Variants in SUMO2 observed in about 807,000 individuals in gnomAD.
SUMO2 encodes the protein small ubiquitin like modifier 2.
A neutral mutation model predicts 16.0 loss-of-function variants in SUMO2; 1 was observed. That is an observed-to-expected ratio of 0.06 (90% confidence interval 0.02 to 0.30). The LOEUF (loss-of-function observed/expected upper bound fraction) is 0.30. SUMO2 is among the 10% of genes least tolerant of loss of function. SUMO2 has a pLI of 1.00. For missense variants in SUMO2, 16 were observed against 117.5 expected (o/e 0.14, Z 3.99); for synonymous variants, 36 against 40.6 (o/e 0.89, Z 0.43).
At chr17:75,175,328 C>CT (rs1002127444) in intron 2 of SUMO2, among the ~76,000 whole-genome samples, 132 of 147,186 alleles carry the variant, frequency 9.0e-4, no homozygotes, top group Middle Eastern at 3.5e-3. Flanking sequence ...TTTTCCTTTT[C>CT]TTTTTTTTTT....
At chr17:75,174,966 A>G (rs1598224661) in intron 2 of SUMO2, 143 bp from the exon 3 acceptor site, 2 of 729,064 alleles carry the variant, frequency 2.7e-6, no homozygotes, top group South Asian at 3.9e-5. Context: ...CCCTATAGGT[A>G]AAAAGATTTG....
chr17:75,179,827 T>G (rs1054496798), intron 2 of SUMO2, among the ~76,000 whole-genome samples: 7 of 151,870 alleles, frequency 4.6e-5, no homozygotes, highest in African/African-American at 1.7e-4. Context: ...CCCAGCTAAT[T>G]TTTTTGGATT....
At chr17:75,176,967 G>A (rs967876974) in intron 2 of SUMO2, among the ~76,000 whole-genome samples, 2 of 151,928 alleles carry the variant, frequency 1.3e-5, no homozygotes, top group African/African-American at 2.4e-5. Context: ...AAGATCACCT[G>A]AGGTCAGGAG....
intron 1 of SUMO2, 174 bp downstream of exon 1, chr17:75,182,640 G>C: frequency 2.4e-6 from 1 of 414,728 alleles, no homozygotes; most frequent in Non-Finnish European, 3.8e-6. Context: ...CGGCGCGGGA[G>C]GGAGGAAGAG....
rs2074696164 is a variant in SUMO2, at chr17:75,166,746, G to C, written c.*1593C>G. 1 of 152,014 alleles carries C rather than the reference G, an allele frequency of 6.6e-6. No homozygotes were observed. The highest frequency in any genetic ancestry group is 2.4e-5 in the African/African-American group (1 of 41,308). 9.4% of individuals were successfully genotyped at this position (152,014 alleles called of 1,614,324 possible). A position where few individuals can be genotyped will look rare whatever the true frequency, so the allele number is the denominator to read the frequency against. Reference sequence around the variant, plus strand: ...TGCAGTGAGCCAAGATCACACCATTGCACCACTCCAGACTAGGCAACAGAG... The same window carrying C: ...TGCAGTGAGCCAAGATCACACCATTCCACCACTCCAGACTAGGCAACAGAG... On this transcript the variant is annotated 3_prime_UTR_variant, in exon 4 of 4. Transcript: ENST00000420826.
chr17:75,166,777 AC>A lies in SUMO2; in HGVS notation c.*1561del, dbSNP rs1337107043. 6.6e-6 allele frequency: 1 copy of A among 151,836 alleles called. No individual in the cohort carries two copies. The highest frequency in any genetic ancestry group is 1.5e-5 in the Non-Finnish European group (1 of 68,090). The allele number at this position is 151,836 out of a possible 1,614,324, so 9.4% of individuals were successfully genotyped here. A position where few individuals can be genotyped will look rare whatever the true frequency, so the allele number is the denominator to read the frequency against. On this transcript the variant is annotated 3_prime_UTR_variant, in exon 4 of 4. Transcript: ENST00000420826. ...CTCCAGACTAGGCAACAGAGGCATAACCTCTTTCAAAAAGACCTAAGACGGG... is the reference window on the plus strand; with the variant it reads ...CTCCAGACTAGGCAACAGAGGCATAACTCTTTCAAAAAGACCTAAGACGGG...
Position 75,167,434 on chromosome 17 carries a change from C to T in SUMO2, c.*905G>A, listed in dbSNP as rs1434258219. ...AACTTTTTCCTTGCCACATGTGCTA[C>T]CCTATACCCTATGCTCCGTGCCTCA... On this transcript the variant is annotated 3_prime_UTR_variant, in exon 4 of 4. Transcript: ENST00000420826. 1 of 152,114 alleles carries T rather than the reference C, an allele frequency of 6.6e-6. No homozygotes were observed. Among genetic ancestry groups the T allele is most frequent in the Non-Finnish European group, 1.5e-5 (1 of 68,026 alleles). 9.4% of individuals were successfully genotyped at this position (152,114 alleles called of 1,614,324 possible). A position where few individuals can be genotyped will look rare whatever the true frequency, so the allele number is the denominator to read the frequency against.
rs927455537 is a variant in SUMO2 at position 75,168,281 on chromosome 17, G to C, written c.*58C>G. The C allele has an allele frequency of 1.9e-4, 252 of 1,323,116 alleles. 1 individual carries two copies. In the East Asian group the frequency reaches 6.3e-3, roughly 33 times the overall value. The allele number at this position is 1,323,116 out of a possible 1,614,324, so 82.0% of individuals were successfully genotyped here. A position where few individuals can be genotyped will look rare whatever the true frequency, so the allele number is the denominator to read the frequency against. ...AACCAAATTGCAGTTTTCTAATTGA[G>C]AATGTAATCTTGGTCTTTAAAGAAC... On this transcript the variant is annotated 3_prime_UTR_variant, in exon 4 of 4. Coordinates refer to ENST00000420826, the MANE Select transcript of SUMO2 (RefSeq NM_006937.4).
chr17:75,170,638 C>G (rs2074729976), intron 3 of SUMO2, among the ~76,000 whole-genome samples: 1 of 151,772 alleles, frequency 6.6e-6, no homozygotes, highest in Admixed American at 6.6e-5. Flanking sequence ...CTCACAAGGT[C>G]AGTCATTCGA....
In SUMO2 at chr17:75,182,921, G is replaced by T. The variant is rs1479925997; in HGVS notation, c.-87C>A. The T allele has an allele frequency of 1.1e-5, 13 of 1,159,966 alleles. No homozygotes were observed. The highest frequency in any genetic ancestry group is 6.4e-5 in the East Asian group (2 of 31,200). 71.9% of individuals were successfully genotyped at this position (1,159,966 alleles called of 1,614,324 possible). Reference sequence around the variant, plus strand: ...CGAGCACACAAGCAGCACCAGGAGCGGCAGAAGAAGGAGGCGGCAGCGGTG... The same window carrying T: ...CGAGCACACAAGCAGCACCAGGAGCTGCAGAAGAAGGAGGCGGCAGCGGTG... On this transcript the variant is annotated 5_prime_UTR_variant, in exon 1 of 4. Transcript: ENST00000420826.
rs1412776456 is a variant in SUMO2, at chr17:75,167,225, A to C, written c.*1114T>G. On this transcript the variant is annotated 3_prime_UTR_variant, in exon 4 of 4. Coordinates refer to ENST00000420826, the MANE Select transcript of SUMO2 (RefSeq NM_006937.4). ...GACCCCCCAGCTACTCAGGAGGCTG[A>C]GGTTGCAGTGAGCTGAAATTGCACC... The C allele has an allele frequency of 6.6e-6, 1 of 151,514 alleles. No individual in the cohort carries two copies. The highest frequency in any genetic ancestry group is 1.5e-5 in the Non-Finnish European group (1 of 67,972). 9.4% of individuals were successfully genotyped at this position (151,514 alleles called of 1,614,324 possible).
intron 2 of SUMO2, among the ~76,000 whole-genome samples, chr17:75,176,723 T>C (rs2074785183): frequency 6.6e-6 from 1 of 152,112 alleles, no homozygotes; most frequent in South Asian, 2.1e-4. Context: ...CCTTTAATAC[T>C]TACCCAAATC....
intron 3 of SUMO2, among the ~76,000 whole-genome samples, chr17:75,172,326 T>TTC (rs34017557): frequency 0.037 from 787 of 21,476 alleles, 43 homozygotes; most frequent in African/African-American, 0.065. Context: ...GTACCCAGAC[T>TTC]TTTTTTTTTT....
intron 3 of SUMO2, among the ~76,000 whole-genome samples, chr17:75,174,321 G>A (rs988151739): frequency 3.3e-5 from 5 of 152,156 alleles, no homozygotes; most frequent in African/African-American, 9.7e-5. Context: ...AGCATGGCAG[G>A]CGAGGGCTGC....
chr17:75,166,177 A>T lies in SUMO2; in HGVS notation c.*2162T>A, dbSNP rs1346455968. On this transcript the variant is annotated 3_prime_UTR_variant, in exon 4 of 4. Coordinates refer to ENST00000420826, the MANE Select transcript of SUMO2 (RefSeq NM_006937.4). ...CATGGTGAGACCCCACCTCTAATTT[A>T]AAAATAATAAAAATTTGGCCGGGCA... is the stretch of plus-strand genomic sequence containing the variant. 2.0e-5 allele frequency: 3 copies of T among 151,986 alleles called. No individual in the cohort carries two copies. Among genetic ancestry groups the T allele is most frequent in the Admixed American group, 2.0e-4 (3 of 15,234 alleles). 9.4% of individuals were successfully genotyped at this position (151,986 alleles called of 1,614,324 possible).
At chr17:75,173,431 T>C (rs191349751) in intron 3 of SUMO2, among the ~76,000 whole-genome samples, 5 of 151,910 alleles carry the variant, frequency 3.3e-5, no homozygotes, top group African/African-American at 7.2e-5. Flanking sequence ...CCTAAAGTGA[T>C]AGGACTACAG....
intron 2 of SUMO2, among the ~76,000 whole-genome samples, chr17:75,180,016 T>G (rs1230072685): frequency 6.6e-6 from 1 of 152,146 alleles, no homozygotes; most frequent in Non-Finnish European, 1.5e-5. Flanking sequence ...TACATAGGTT[T>G]AAGCCTTATT....
chr17:75,176,508 C>T (rs1380441770), intron 2 of SUMO2, among the ~76,000 whole-genome samples: 4 of 151,802 alleles, frequency 2.6e-5, no homozygotes, highest in South Asian at 4.2e-4. Flanking sequence ...CCCAGCTATT[C>T]GGGAGGCTGA....
At chr17:75,175,365 G>C (rs1333635348) in intron 2 of SUMO2, among the ~76,000 whole-genome samples, 1 of 151,630 alleles carries the variant, frequency 6.6e-6, no homozygotes, top group South Asian at 2.1e-4. Flanking sequence ...CTGTCACTCA[G>C]GCTGGAGGGC....
Sources: gnomAD v4.1 joint callset for allele counts (sites outside exome capture counted in the v4.1 genomes callset) on GRCh38, gnomAD v4.1.1 for gene constraint, MANE v1.5 for transcripts, NCBI Gene and HGNC (gene_info 2026-07-23, HGNC 2026-07-21) for gene names.